BMP2K: variants seen among roughly 807,000 people sequenced by gnomAD.
BMP2K encodes the protein BMP-2-inducible protein kinase.
BMP2K carries 74 observed loss-of-function variants against 116.0 expected under a neutral mutation model. That is an observed-to-expected ratio of 0.64 (90% CI 0.53 to 0.77). The LOEUF (loss-of-function observed/expected upper bound fraction) is 0.77. Ranked by LOEUF, BMP2K falls within the 30% of genes least tolerant of loss-of-function variation. BMP2K has a pLI of 0.00. For missense variants in BMP2K, 1,365 were observed against 1,403.6 expected, an observed-to-expected ratio of 0.97 and a Z score of 0.44; for synonymous variants, 486 against 502.5, an observed-to-expected ratio of 0.97 and a Z score of 0.44.
At chr4:78,779,511 G>A (rs987894675) in intron 1 of BMP2K, among the ~76,000 whole-genome samples, 2 of 152,226 alleles carry the variant, frequency 1.3e-5, no homozygotes, top group Non-Finnish European at 2.9e-5. Flanking sequence ...TTTACACTAT[G>A]TAAGCTGAAA....
Position 78,820,388 on chromosome 4 carries a change from G to C in BMP2K, c.179-5649G>C, listed in dbSNP as rs1390741995. ...CTGAAATTTCATGATGATGAGCCTT[G>C]ATGTGGATCTTTTTGTTCTATGTGC... On this transcript the variant is annotated intron_variant, in intron 1 of 15. Coordinates refer to ENST00000502613, the MANE Select transcript of BMP2K (RefSeq NM_198892.2). Among the ~76,000 whole-genome samples, 3 of 152,138 alleles carry C rather than the reference G, an allele frequency of 2.0e-5. No individual in the cohort carries two copies. In the East Asian group the frequency reaches 5.8e-4, roughly 29 times the overall value.
At chr4:78,792,177 T>C (rs1728034535) in intron 1 of BMP2K, among the ~76,000 whole-genome samples, 1 of 152,232 alleles carries the variant, frequency 6.6e-6, no homozygotes, top group African/African-American at 2.4e-5. Flanking sequence ...GCAGAACCTC[T>C]GTGAAGAAAA....
At chr4:78,776,785 C>T (rs1727269704) in intron 1 of BMP2K, 64 bp downstream of exon 1, 1 of 1,196,888 alleles carries the variant, frequency 8.4e-7, no homozygotes, top group Non-Finnish European at 1.0e-6. Flanking sequence ...GCGGCGGCTT[C>T]TCCGGGTCCT....
intron 2 of BMP2K, among the ~76,000 whole-genome samples, chr4:78,832,477 C>A (rs958079936): frequency 2.6e-5 from 4 of 152,020 alleles, no homozygotes; most frequent in African/African-American, 9.7e-5. Flanking sequence ...CTTTTATTTT[C>A]TGTATTCCTT....
At position 78,914,984 on chromosome 4, in the gene BMP2K, A is replaced by G. The variant is rs1216612960; in HGVS notation, c.*2951A>G. On this transcript the variant is annotated 3_prime_UTR_variant, in exon 16 of 16. Coordinates refer to ENST00000502613, the MANE Select transcript of BMP2K (RefSeq NM_198892.2). ...CGTCAGTAAAATGTTAGTATTAAAA[A>G]GATCAGCTTTTTATGGCATTGAAGA... 6.6e-6 allele frequency: 1 copy of G among 152,046 alleles called. No homozygotes were observed. The highest frequency in any genetic ancestry group is 2.4e-5 in the African/African-American group (1 of 41,428). The allele number at this position is 152,046 out of a possible 1,614,324, so 9.4% of individuals were successfully genotyped here. A position where few individuals can be genotyped will look rare whatever the true frequency, so the allele number is the denominator to read the frequency against.
At position 78,842,426 on chromosome 4, in the gene BMP2K, G is replaced by C. The variant is rs778061354; in HGVS notation, c.445G>C (p.Gly149Arg). 4 of 1,607,058 alleles carry C rather than the reference G, an allele frequency of 2.5e-6. No homozygotes were observed. The highest frequency in any genetic ancestry group is 3.4e-6 in the Non-Finnish European group (4 of 1,175,078). Residue 149 changes from glycine (G) to arginine (R), a missense_variant, in exon 4 of 16, where the codon GGT becomes CGT. Gly to Arg is a moderately radical substitution (Grantham distance 125, BLOSUM62 -2). Transcript: ENST00000502613. ...TCAAATGAATAAGAAGCTACAGACG[G>C]GTTTTACAGAACCAGAAGTGTTACA... The part of the protein sequence containing the change: ...VNQMNKKLQT[G>R]FTEPEVLQIF...
intron 7 of BMP2K, among the ~76,000 whole-genome samples, chr4:78,856,194 CT>C (rs1000652254): frequency 6.6e-6 from 1 of 151,916 alleles, no homozygotes; most frequent in African/African-American, 2.4e-5. Context: ...TTCTTTCTTT[CT>C]TTTTTTAAAG....
intron 1 of BMP2K, among the ~76,000 whole-genome samples, chr4:78,815,406 A>C (rs1560512049): frequency 6.6e-6 from 1 of 152,168 alleles, no homozygotes; most frequent in Non-Finnish European, 1.5e-5. Flanking sequence ...CTTCTTTTTA[A>C]GTATAAAGAG....
At chr4:78,814,862 TTATTA>T (rs1162624643) in intron 1 of BMP2K, among the ~76,000 whole-genome samples, 1 of 152,174 alleles carries the variant, frequency 6.6e-6, no homozygotes, top group Non-Finnish European at 1.5e-5. Context: ...ACATTTGATA[TTATTA>T]TATTCACATC....
In BMP2K at chr4:78,779,775, A is replaced by G. The variant is rs151100563; in HGVS notation, c.178+3054A>G. Among the ~76,000 whole-genome samples, 3 of 152,328 alleles carry G rather than the reference A, an allele frequency of 2.0e-5. No individual in the cohort carries two copies. In the East Asian group the frequency reaches 5.8e-4, roughly 29 times the overall value. ...TTGTATGTTATAACTAAACTGTTAA[A>G]GTTTTCTCTCTGAAACATTATATAC... On this transcript the variant is annotated intron_variant, in intron 1 of 15. Coordinates refer to ENST00000502613, the MANE Select transcript of BMP2K (RefSeq NM_198892.2).
chr4:78,823,201 G>A (rs1294215075), intron 1 of BMP2K, among the ~76,000 whole-genome samples: 8 of 151,946 alleles, frequency 5.3e-5, no homozygotes, highest in Non-Finnish European at 1.2e-4. Flanking sequence ...CTTTGATTTT[G>A]GGAATGGTTT....
chr4:78,857,001 T>C (rs1731536233), intron 7 of BMP2K, among the ~76,000 whole-genome samples: 2 of 152,126 alleles, frequency 1.3e-5, no homozygotes, highest in Admixed American at 1.3e-4. Context: ...TAGTAGTAGA[T>C]AGCGATCGTG....
At chr4:78,873,056 T>A (rs777438426) in intron 13 of BMP2K, among the ~76,000 whole-genome samples, 2 of 152,174 alleles carry the variant, frequency 1.3e-5, no homozygotes, top group East Asian at 3.9e-4. Context: ...ATTATTGGCT[T>A]GTATGTAAAG....
chr4:78,800,321 A>G (rs995416981), intron 1 of BMP2K, among the ~76,000 whole-genome samples: 1 of 152,240 alleles, frequency 6.6e-6, no homozygotes, highest in Non-Finnish European at 1.5e-5. Flanking sequence ...ATAGTTATAC[A>G]AAGTGCATGC....
chr4:78,910,849 G>T lies in BMP2K; in HGVS notation c.2302G>T (p.Glu768Ter). The T allele has an allele frequency of 6.2e-7, 1 of 1,613,956 alleles. No individual in the cohort carries two copies. The highest frequency in any genetic ancestry group is 8.5e-7 in the Non-Finnish European group (1 of 1,179,882). ...EQDDEEVLQG[E>*]QGDFNDDDTE... is the part of the protein sequence containing the mutation. ...AGATGATGAAGAAGTTCTTCAGGGG[G>T]AACAAGGAGATTTTAATGATGATGA... Residue 768 changes from glutamate (E) to a stop codon, truncating the protein, a stop_gained, in exon 16 of 16, where the codon GAA becomes TAA. Coordinates refer to ENST00000502613, the MANE Select transcript of BMP2K (RefSeq NM_198892.2). LOFTEE classifies it high-confidence loss of function.
At chr4:78,881,689 C>G (rs1390769312) in intron 14 of BMP2K, among the ~76,000 whole-genome samples, 1 of 151,892 alleles carries the variant, frequency 6.6e-6, no homozygotes, top group Non-Finnish European at 1.5e-5. Context: ...TCTTCCAGAA[C>G]CTTCAGAGTT....
Position 78,833,587 on chromosome 4 carries a change from G to C in BMP2K, c.303G>C (p.Glu101Asp), listed in dbSNP as rs773117319. Reference sequence around the variant, plus strand: ...ATTTTTTTTTTTCTTTCCAGAAAGAGCTATCTGGTCACAAAAATATTGTGG... The same window carrying C: ...ATTTTTTTTTTTCTTTCCAGAAAGACCTATCTGGTCACAAAAATATTGTGG... ...VCKREITIMK[E>D]LSGHKNIVGY... Residue 101 changes from glutamate to aspartate, a missense_variant, in exon 3 of 16, where the codon GAG (glutamate) becomes GAC (aspartate). Coordinates refer to ENST00000502613, the MANE Select transcript of BMP2K (RefSeq NM_198892.2). The C allele has an allele frequency of 6.3e-7, 1 of 1,578,082 alleles. No homozygotes were observed. Among genetic ancestry groups the C allele is most frequent in the Non-Finnish European group, 8.6e-7 (1 of 1,165,690 alleles).
intron 4 of BMP2K, among the ~76,000 whole-genome samples, chr4:78,842,995 A>G (rs1019283579): frequency 2.6e-5 from 4 of 151,886 alleles, no homozygotes; most frequent in South Asian, 4.1e-4. Context: ...ATTATTTTCT[A>G]TAATTTGGTG....
At chr4:78,833,441 G>C (rs1730306302) in intron 2 of BMP2K, 141 bp from the exon 3 acceptor site, 3 of 496,288 alleles carry the variant, frequency 6.0e-6, no homozygotes, top group Admixed American at 8.0e-5. Flanking sequence ...GCCTTTGCTT[G>C]CTTGAAATAT....
Sources: gnomAD v4.1 joint callset for allele counts (sites outside exome capture counted in the v4.1 genomes callset) on GRCh38, gnomAD v4.1.1 for gene constraint, MANE v1.5 for transcripts, NCBI Gene and HGNC (gene_info 2026-07-23, HGNC 2026-07-21) for gene names.